ITGB3BP: variants seen among roughly 807,000 people sequenced by gnomAD.
ITGB3BP encodes the protein integrin subunit beta 3 binding protein.
ITGB3BP carries 27 observed loss-of-function variants against 29.1 expected under a neutral mutation model. The observed-to-expected ratio is 0.93, with a 90% CI of 0.68 to 1.28. The LOEUF (loss-of-function observed/expected upper bound fraction) is 1.28, where lower values mean the gene tolerates loss of function less well. Among genes scored for constraint, ITGB3BP ranks in the 50% most tolerant of loss-of-function variants. ITGB3BP has a pLI of 0.00. For missense variants in ITGB3BP, 192 were observed against 200.2 expected (o/e 0.96, Z 0.25); for synonymous variants, 61 against 61.4 (o/e 0.99, Z 0.03).
intron 7 of ITGB3BP, among the ~76,000 whole-genome samples, chr1:63,452,277 T>G (rs1644870396): frequency 6.6e-6 from 1 of 152,236 alleles, no homozygotes; most frequent in South Asian, 2.1e-4. Flanking sequence ...TTCTCAAAGC[T>G]GTTTGCAAAG....
chr1:63,510,174 G>T, intron 1 of ITGB3BP: 1 of 512,596 alleles, frequency 2.0e-6, no homozygotes, highest in South Asian at 2.8e-5. Context: ...TGGGCAACGG[G>T]AGCAAAACTG....
chr1:63,494,997 G>C (rs1557641378), intron 2 of ITGB3BP, among the ~76,000 whole-genome samples: 1 of 152,042 alleles, frequency 6.6e-6, no homozygotes, highest in Non-Finnish European at 1.5e-5. Flanking sequence ...TTTAGAGACA[G>C]GGTCTTACTA....
In ITGB3BP at chr1:63,454,202, A is replaced by C. The variant is rs1644901072; in HGVS notation, c.427+178T>G. Reference sequence around the variant, plus strand: ...ATTCTTTTCATTCACATTCAAGAAGAATCCCCAAAATAACACATCCTGATA... The same window carrying C: ...ATTCTTTTCATTCACATTCAAGAAGCATCCCCAAAATAACACATCCTGATA... On this transcript the variant is annotated intron_variant, in intron 6 of 8. Coordinates refer to ENST00000271002, the MANE Select transcript of ITGB3BP (RefSeq NM_014288.5). The surrounding 1 kb of genome is among the most constrained non-coding windows in gnomAD (Gnocchi z 4.1). 6.6e-6 allele frequency among the ~76,000 whole-genome samples: 1 copy of C among 152,086 alleles called. No individual in the cohort carries two copies. The highest frequency in any genetic ancestry group is 1.5e-5 in the Non-Finnish European group (1 of 67,956).
At chr1:63,499,323 A>AT (rs1363648864) in intron 2 of ITGB3BP, among the ~76,000 whole-genome samples, 6 of 151,720 alleles carry the variant, frequency 4.0e-5, no homozygotes, top group Admixed American at 1.3e-4. Flanking sequence ...CTAATTTTGT[A>AT]TTTTTTAGTA....
chr1:63,474,261 G>A (rs1372500051), intron 4 of ITGB3BP, among the ~76,000 whole-genome samples: 12 of 136,528 alleles, frequency 8.8e-5, no homozygotes, highest in South Asian at 2.5e-4. Flanking sequence ...CGCCCCGTCC[G>A]GGAGGGTGGT....
chr1:63,448,151 G>A (rs1180216536), intron 7 of ITGB3BP, among the ~76,000 whole-genome samples: 1 of 134,418 alleles, frequency 7.4e-6, no homozygotes, highest in East Asian at 2.3e-4. Context: ...GACACAGGAA[G>A]GGGAACATCA....
chr1:63,511,933 G>A (rs1646207739), intron 1 of ITGB3BP, among the ~76,000 whole-genome samples: 2 of 151,942 alleles, frequency 1.3e-5, no homozygotes, highest in Non-Finnish European at 1.5e-5. Flanking sequence ...GATTAAAATA[G>A]TAAATTTTGT....
At chr1:63,473,191 T>C (rs1244408450) in intron 4 of ITGB3BP, among the ~76,000 whole-genome samples, 12 of 148,718 alleles carry the variant, frequency 8.1e-5, no homozygotes, top group African/African-American at 1.5e-4. Flanking sequence ...GTGAGGAGCG[T>C]CTCTGCCCGG....
chr1:63,505,213 T>G (rs115254606), intron 2 of ITGB3BP, among the ~76,000 whole-genome samples: 59,912 of 151,956 alleles, frequency 0.39, 13,578 homozygotes, highest in Non-Finnish European at 0.52. Flanking sequence ...TATTCGGAGG[T>G]TCAAATTCTT....
chr1:63,526,604 A>G (rs1474417636), upstream of ITGB3BP, among the ~76,000 whole-genome samples: 1 of 152,252 alleles, frequency 6.6e-6, no homozygotes, highest in Admixed American at 6.5e-5. Flanking sequence ...TAAATAAAAT[A>G]CATTATTTGT....
intron 4 of ITGB3BP, among the ~76,000 whole-genome samples, chr1:63,462,078 A>C (rs756347525): frequency 6.6e-6 from 1 of 152,250 alleles, no homozygotes; most frequent in Admixed American, 6.5e-5. Context: ...TAGCATTAAC[A>C]TCTTAACAAT....
intron 7 of ITGB3BP, among the ~76,000 whole-genome samples, chr1:63,451,546 G>A (rs1328914253): frequency 6.6e-6 from 1 of 151,808 alleles, no homozygotes; most frequent in Admixed American, 6.6e-5. Flanking sequence ...GAGCAGAAAA[G>A]GGTAAAAGTT....
chr1:63,487,072 A>C (rs1431012423), intron 3 of ITGB3BP, among the ~76,000 whole-genome samples: 1 of 151,928 alleles, frequency 6.6e-6, no homozygotes, highest in Non-Finnish European at 1.5e-5. Context: ...TGTATGCATT[A>C]GTTTTGATAA....
upstream of ITGB3BP, among the ~76,000 whole-genome samples, chr1:63,526,985 G>A (rs540398533): frequency 4.6e-5 from 7 of 152,116 alleles, no homozygotes; most frequent in Non-Finnish European, 8.8e-5. Flanking sequence ...GGCTGGTCTC[G>A]AGCTCCTGAC....
At chr1:63,477,167 CT>C (rs1305017003) in intron 4 of ITGB3BP, among the ~76,000 whole-genome samples, 1 of 152,172 alleles carries the variant, frequency 6.6e-6, no homozygotes, top group Non-Finnish European at 1.5e-5. Context: ...CTTTGAAAAA[CT>C]CTTCTCTTTG....
At chr1:63,480,176 C>T (rs576104197) in intron 3 of ITGB3BP, among the ~76,000 whole-genome samples, 8 of 152,210 alleles carry the variant, frequency 5.3e-5, no homozygotes, top group African/African-American at 1.9e-4. Flanking sequence ...TTACAAGTTT[C>T]ACAAATTGAC....
Position 63,446,789 on chromosome 1 carries a change from GA to G in ITGB3BP, c.*1+16del. The G allele has an allele frequency of 6.4e-7, 1 of 1,567,022 alleles. No homozygotes were observed. The highest frequency in any genetic ancestry group is 1.4e-5 in the African/African-American group (1 of 73,836). On this transcript the variant is annotated intron_variant, in intron 8 of 8. Coordinates refer to ENST00000271002, the MANE Select transcript of ITGB3BP (RefSeq NM_014288.5). ...AATTTCACAAGGTTAAACTAAATTA[GA>G]AAGGTGAAACAGTACCTCAGTTTAA...
At chr1:63,444,924 T>G (rs1644772611) in intron 8 of ITGB3BP, among the ~76,000 whole-genome samples, 1 of 152,106 alleles carries the variant, frequency 6.6e-6, no homozygotes, top group Non-Finnish European at 1.5e-5. Flanking sequence ...TGTATTTGCC[T>G]CATACGTTGT....
At chr1:63,477,539 C>A (rs572164045) in intron 4 of ITGB3BP, among the ~76,000 whole-genome samples, 1 of 152,102 alleles carries the variant, frequency 6.6e-6, no homozygotes, top group African/African-American at 2.4e-5. Flanking sequence ...GGTAACATGG[C>A]GAAACTCCGT....
Sources: gnomAD v4.1 joint callset for allele counts (sites outside exome capture counted in the v4.1 genomes callset) on GRCh38, gnomAD v4.1.1 for gene constraint, Gnocchi (gnomAD v3.1) non-coding constraint, MANE v1.5 for transcripts, NCBI Gene and HGNC (gene_info 2026-07-23, HGNC 2026-07-21) for gene names.